Variants in B3GALT5 observed in about 807,000 individuals in gnomAD.
B3GALT5 encodes the protein beta-1,3-galactosyltransferase 5.
For missense variants in B3GALT5, 328 were observed against 396.6 expected (o/e 0.83, Z 1.47); for synonymous variants, 156 against 158.6 (o/e 0.98, Z 0.12).
intron 2 of B3GALT5, among the ~76,000 whole-genome samples, chr21:39,650,700 G>A (rs1343418803): frequency 2.0e-5 from 3 of 152,144 alleles, no homozygotes; most frequent in Admixed American, 6.5e-5. Flanking sequence ...TGGCTCTGGT[G>A]GAACGTCCAC....
chr21:39,657,675 A>G (rs753342561), intron 2 of B3GALT5: 2 of 385,944 alleles, frequency 5.2e-6, no homozygotes, highest in Admixed American at 9.0e-5. Context: ...CTGTCTATCT[A>G]TCTATCTGTC....
At position 39,661,745 on chromosome 21, in the gene B3GALT5, C is replaced by T. The variant is rs2079528119; in HGVS notation, c.*253C>T. ...ACCTGGATTTTTGCATTTCAGGGGT[C>T]AGTATCCTATGACATGATGGGTGTT... On this transcript the variant is annotated 3_prime_UTR_variant, in exon 4 of 4. Coordinates refer to ENST00000684187, the MANE Select transcript of B3GALT5 (RefSeq NM_001356336.2). The surrounding 1 kb of genome is among the most constrained non-coding windows in gnomAD (Gnocchi z 4.7). 2 of 380,894 alleles carry T rather than the reference C, an allele frequency of 5.3e-6. No individual in the cohort carries two copies. The highest frequency in any genetic ancestry group is 1.0e-4 in the South Asian group (1 of 9,714). 23.6% of individuals were successfully genotyped at this position (380,894 alleles called of 1,614,324 possible).
chr21:39,619,523 A>G (rs1443277117), intron 1 of B3GALT5, among the ~76,000 whole-genome samples: 4 of 152,094 alleles, frequency 2.6e-5, no homozygotes, highest in African/African-American at 7.2e-5. Flanking sequence ...GTTTTTATAT[A>G]TACTAGATCA....
chr21:39,634,325 C>T (rs956813946), intron 1 of B3GALT5, among the ~76,000 whole-genome samples: 3 of 152,156 alleles, frequency 2.0e-5, no homozygotes, highest in Non-Finnish European at 4.4e-5. Flanking sequence ...TGGCCTCTCA[C>T]AGCCCACTTG....
chr21:39,659,604 G>A (rs2079488692), intron 2 of B3GALT5, 149 bp from the exon 3 acceptor site: 1 of 253,748 alleles, frequency 3.9e-6, no homozygotes, highest in Non-Finnish European at 6.2e-6. Context: ...TTTTACAGAT[G>A]AGAAAAGTGA....
intron 1 of B3GALT5, among the ~76,000 whole-genome samples, chr21:39,644,621 G>A (rs1024071404): frequency 9.8e-5 from 15 of 152,328 alleles, no homozygotes; most frequent in African/African-American, 3.4e-4. Context: ...ACGATGGCGT[G>A]TATCCCTAGA....
chr21:39,664,213 C>T lies in B3GALT5; in HGVS notation c.*2721C>T, dbSNP rs1359936501. The T allele has an allele frequency of 6.6e-6, 1 of 152,362 alleles. No individual in the cohort carries two copies. The highest frequency in any genetic ancestry group is 1.5e-5 in the Non-Finnish European group (1 of 68,182). 9.4% of individuals were successfully genotyped at this position (152,362 alleles called of 1,614,324 possible). On this transcript the variant is annotated 3_prime_UTR_variant, in exon 4 of 4. Coordinates refer to ENST00000684187, the MANE Select transcript of B3GALT5 (RefSeq NM_001356336.2). ...AGCTGCCCTGTGGCCTCCCCAGCCA[C>T]CTGCTGACGGAGCTGTGGGAGCACA...
At chr21:39,658,021 C>T (rs577889567) in intron 2 of B3GALT5, 294 of 826,260 alleles carry the variant, frequency 3.6e-4, no homozygotes, top group Admixed American at 4.8e-4. Context: ...ACACAGGCTG[C>T]CCTTTCCAGG....
chr21:39,648,407 T>TAC, intron 2 of B3GALT5, among the ~76,000 whole-genome samples: 1 of 152,202 alleles, frequency 6.6e-6, no homozygotes, highest in African/African-American at 2.4e-5. Flanking sequence ...ATGTGCACCT[T>TAC]CTCTTTCTCA....
chr21:39,647,882 T>A (rs939066996), intron 2 of B3GALT5, among the ~76,000 whole-genome samples: 12 of 152,244 alleles, frequency 7.9e-5, no homozygotes, highest in African/African-American at 2.7e-4. Flanking sequence ...CATCCTCCTG[T>A]TATCTCACTA....
intron 1 of B3GALT5, among the ~76,000 whole-genome samples, chr21:39,641,232 G>C (rs977981901): frequency 6.6e-6 from 1 of 152,184 alleles, no homozygotes; most frequent in Non-Finnish European, 1.5e-5. Flanking sequence ...CTAAAAACAT[G>C]AAGTTAAAAT....
intron 1 of B3GALT5, among the ~76,000 whole-genome samples, chr21:39,626,764 C>G (rs543893816): frequency 3.0e-4 from 46 of 152,138 alleles, no homozygotes; most frequent in Non-Finnish European, 4.6e-4. Context: ...TATTCAAGTC[C>G]TTTGCCCCTT....
At position 39,672,871 on chromosome 21, in the gene B3GALT5, A is replaced by C. The variant is rs1475815335; in HGVS notation, c.*11379A>C. On this transcript the variant is annotated 3_prime_UTR_variant, in exon 4 of 4. Transcript: ENST00000684187. ...GCAAAGCAATGGGACCCTACGCTTC[A>C]GAGTCTTAATGGGGTGGGGCAGTGT... is the stretch of plus-strand genomic sequence containing the variant. The C allele has an allele frequency of 6.6e-6, 1 of 152,172 alleles. No individual in the cohort carries two copies. The highest frequency in any genetic ancestry group is 2.4e-5 in the African/African-American group (1 of 41,440). The allele number at this position is 152,172 out of a possible 1,614,324, so 9.4% of individuals were successfully genotyped here. A position where few individuals can be genotyped will look rare whatever the true frequency, so the allele number is the denominator to read the frequency against.
At chr21:39,634,055 C>T (rs2079209505) in intron 1 of B3GALT5, among the ~76,000 whole-genome samples, 1 of 152,206 alleles carries the variant, frequency 6.6e-6, no homozygotes, top group Non-Finnish European at 1.5e-5. Context: ...CCTCATGACT[C>T]AGTACACACA....
chr21:39,639,444 CTTTCTTTCT>C (rs1222144895), intron 1 of B3GALT5, among the ~76,000 whole-genome samples: 1 of 122,602 alleles, frequency 8.2e-6, no homozygotes, highest in African/African-American at 3.2e-5. Context: ...TTCTTTCTTT[CTTTCTTTCT>C]TTTTTTCTTT....
intron 1 of B3GALT5, among the ~76,000 whole-genome samples, chr21:39,637,321 T>C (rs1030254948): frequency 6.6e-6 from 1 of 152,192 alleles, no homozygotes; most frequent in African/African-American, 2.4e-5. Flanking sequence ...CAGGGAATCC[T>C]AAAGATGGAG....
intron 2 of B3GALT5, among the ~76,000 whole-genome samples, chr21:39,654,954 TATG>T (rs1209941537): frequency 1.3e-5 from 2 of 152,256 alleles, no homozygotes; most frequent in Non-Finnish European, 2.9e-5. Context: ...TTTGCTCTTT[TATG>T]ATATTTGCTT....
intron 1 of B3GALT5, among the ~76,000 whole-genome samples, chr21:39,644,437 G>A (rs975040461): frequency 2.0e-5 from 3 of 152,164 alleles, no homozygotes; most frequent in Admixed American, 2.0e-4. Flanking sequence ...TGGGAGGCAG[G>A]CTTGCATGAC....
chr21:39,648,171 A>C (rs555055030), intron 2 of B3GALT5, among the ~76,000 whole-genome samples: 2 of 152,238 alleles, frequency 1.3e-5, no homozygotes, highest in Non-Finnish European at 2.9e-5. Flanking sequence ...AAATTGTTCA[A>C]ATAAAATCAT....
Sources: allele counts gnomAD v4.1 joint callset (sites outside exome capture counted in the v4.1 genomes callset), GRCh38; gene constraint gnomAD v4.1.1; non-coding constraint Gnocchi (gnomAD v3.1); transcripts MANE v1.5; gene names NCBI Gene and HGNC (gene_info 2026-07-23, HGNC 2026-07-21).